Variants in SLC35F1 observed in about 807,000 individuals in gnomAD.
SLC35F1 encodes chromosome 6 open reading frame 169.
SLC35F1 carries 14 observed loss-of-function variants against 48.7 expected under a neutral mutation model. That is an observed-to-expected ratio of 0.29 (90% CI 0.19 to 0.45). The LOEUF (loss-of-function observed/expected upper bound fraction) is 0.45, where lower values mean the gene tolerates loss of function less well. Among genes scored for constraint, SLC35F1 ranks in the 20% least tolerant of loss-of-function variants. The pLI is 1.00. For synonymous variants in SLC35F1, 190 were observed against 202.2 expected (o/e 0.94, Z 0.51); for missense variants, 404 against 500.0 (o/e 0.81, Z 1.83).
chr6:117,920,857 C>A (rs997897389), intron 1 of SLC35F1, among the ~76,000 whole-genome samples: 18 of 152,088 alleles, frequency 1.2e-4, no homozygotes, highest in African/African-American at 4.1e-4. Flanking sequence ...TGAAGATGAT[C>A]GATCCATGAT....
intron 2 of SLC35F1, among the ~76,000 whole-genome samples, chr6:118,173,393 A>C (rs1562314750): frequency 1.5e-5 from 2 of 129,770 alleles, no homozygotes; most frequent in African/African-American, 7.8e-5. Flanking sequence ...GTTAAAAAAA[A>C]AACAAAAAAC....
chr6:118,028,183 TA>T (rs977533376), intron 1 of SLC35F1, among the ~76,000 whole-genome samples: 2 of 152,162 alleles, frequency 1.3e-5, no homozygotes, highest in African/African-American at 4.8e-5. Context: ...TTAATGCATC[TA>T]GGGGAGAGTT....
At chr6:117,931,727 T>C (rs1776104063) in intron 1 of SLC35F1, among the ~76,000 whole-genome samples, 1 of 152,126 alleles carries the variant, frequency 6.6e-6, no homozygotes, top group Non-Finnish European at 1.5e-5. Flanking sequence ...ATGTGGGGAG[T>C]ACTAGAAGTG....
chr6:118,314,342 A>G lies in SLC35F1; in HGVS notation c.*90A>G. On this transcript the variant is annotated 3_prime_UTR_variant, in exon 8 of 8. Coordinates refer to ENST00000360388, the MANE Select transcript of SLC35F1 (RefSeq NM_001029858.4). ...TTGTACATAGAGAAAGGTATTTACT[A>G]GGTGCAGTTTACACAGGTGGACTGC... The G allele has an allele frequency of 8.3e-7, 1 of 1,201,794 alleles. No homozygotes were observed. Among genetic ancestry groups the G allele is most frequent in the Non-Finnish European group, 1.2e-6 (1 of 834,358 alleles). 74.4% of individuals were successfully genotyped at this position (1,201,794 alleles called of 1,614,324 possible).
At chr6:117,908,187 A>T (rs1322883994) in intron 1 of SLC35F1, among the ~76,000 whole-genome samples, 1 of 151,938 alleles carries the variant, frequency 6.6e-6, no homozygotes. Flanking sequence ...GTCCGCACTC[A>T]CACCCTCCAT....
intron 2 of SLC35F1, among the ~76,000 whole-genome samples, chr6:118,189,447 T>A (rs984674842): frequency 6.6e-5 from 10 of 152,222 alleles, no homozygotes; most frequent in African/African-American, 2.4e-4. Flanking sequence ...TGCCCATTTT[T>A]AAAATCAGAT....
chr6:117,966,637 A>G (rs576142239), intron 1 of SLC35F1, among the ~76,000 whole-genome samples: 15 of 152,198 alleles, frequency 9.9e-5, no homozygotes, highest in African/African-American at 2.9e-4. Flanking sequence ...CCAAGAACCA[A>G]CCAATTCTGG....
At chr6:117,916,261 G>T (rs1775824673) in intron 1 of SLC35F1, among the ~76,000 whole-genome samples, 1 of 152,108 alleles carries the variant, frequency 6.6e-6, no homozygotes, top group African/African-American at 2.4e-5. Flanking sequence ...TTGTATTTTG[G>T]TTTTTGTTTT....
chr6:117,914,183 T>A (rs1349543058), intron 1 of SLC35F1, among the ~76,000 whole-genome samples: 6 of 151,814 alleles, frequency 4.0e-5, no homozygotes, highest in Non-Finnish European at 8.8e-5. Context: ...TGTGTGTATA[T>A]ATATAGAGAG....
intron 2 of SLC35F1, among the ~76,000 whole-genome samples, chr6:118,216,388 A>G (rs9320645): frequency 0.93 from 140,266 of 150,394 alleles, 65,469 homozygotes; most frequent in East Asian, 0.98. Flanking sequence ...TAGAATTCTT[A>G]TTTTATAATT....
intron 1 of SLC35F1, among the ~76,000 whole-genome samples, chr6:118,069,164 A>G (rs1448973957): frequency 1.3e-5 from 2 of 152,186 alleles, no homozygotes; most frequent in East Asian, 3.9e-4. Context: ...GTGTTCATTT[A>G]ATGCTTGCAG....
chr6:118,001,683 A>T (rs368699309), intron 1 of SLC35F1, among the ~76,000 whole-genome samples: 1 of 152,064 alleles, frequency 6.6e-6, no homozygotes, highest in Non-Finnish European at 1.5e-5. Context: ...ATGGAAGAAA[A>T]TTTTCACATC....
intron 1 of SLC35F1, among the ~76,000 whole-genome samples, chr6:118,032,015 G>C (rs1039779120): frequency 6.6e-6 from 1 of 152,100 alleles, no homozygotes; most frequent in Admixed American, 6.6e-5. Flanking sequence ...TCCCTCACTA[G>C]TGTAAATATA....
At chr6:118,179,001 C>A (rs1195643136) in intron 2 of SLC35F1, among the ~76,000 whole-genome samples, 1 of 152,010 alleles carries the variant, frequency 6.6e-6, no homozygotes, top group East Asian at 1.9e-4. Context: ...GATTCATCTT[C>A]TAGATATAGT....
intron 1 of SLC35F1, among the ~76,000 whole-genome samples, chr6:118,139,274 G>A (rs576640387): frequency 1.7e-4 from 26 of 152,068 alleles, no homozygotes; most frequent in African/African-American, 5.1e-4. Flanking sequence ...CACCATGCCC[G>A]GCTAATTTTT....
At chr6:117,999,167 A>T (rs982482892) in intron 1 of SLC35F1, 1 of 1,594,526 alleles carries the variant, frequency 6.3e-7, no homozygotes. Flanking sequence ...TGCCAAGGCC[A>T]TGAGTGCACG....
intron 2 of SLC35F1, among the ~76,000 whole-genome samples, chr6:118,209,244 C>T (rs971709234): frequency 6.6e-6 from 1 of 152,260 alleles, no homozygotes; most frequent in African/African-American, 2.4e-5. Context: ...CTGAAGGCTC[C>T]CATGCCACAT....
At chr6:118,134,533 A>G (rs1421982852) in intron 1 of SLC35F1, among the ~76,000 whole-genome samples, 2 of 152,212 alleles carry the variant, frequency 1.3e-5, no homozygotes, top group East Asian at 3.9e-4. Context: ...GCTGAGTCCT[A>G]GAATAACACC....
At chr6:118,191,535 G>A (rs1774733413) in intron 2 of SLC35F1, among the ~76,000 whole-genome samples, 1 of 152,148 alleles carries the variant, frequency 6.6e-6, no homozygotes, top group Non-Finnish European at 1.5e-5. Context: ...AGTGTGGAGG[G>A]ACCCTTCTCA....
Sources: allele counts gnomAD v4.1 joint callset (sites outside exome capture counted in the v4.1 genomes callset), GRCh38; gene constraint gnomAD v4.1.1; transcripts MANE v1.5; gene names NCBI Gene and HGNC (gene_info 2026-07-23, HGNC 2026-07-21).